The following PRKG1 variants were observed in gnomAD, a reference collection of about 807,000 sequenced individuals.
The protein encoded by PRKG1 is protein kinase cGMP-dependent 1, also known as cGMP-dependent protein kinase 1.
PRKG1 carries 35 observed loss-of-function variants against 88.1 expected under a neutral mutation model. That is an observed-to-expected ratio of 0.40 (90% CI 0.30 to 0.53). The LOEUF is 0.53. Ranked by LOEUF, PRKG1 falls within the 20% of genes least tolerant of loss-of-function variation. The pLI is 0.59. For synonymous variants in PRKG1, 303 were observed against 292.5 expected (o/e 1.04, Z -0.37); for missense variants, 540 against 839.8 (o/e 0.64, Z 4.41).
intron 1 of PRKG1, among the ~76,000 whole-genome samples, chr10:51,119,058 T>C (rs916204201): frequency 6.6e-6 from 1 of 152,146 alleles, no homozygotes; most frequent in Non-Finnish European, 1.5e-5. Context: ...GAATAATTCT[T>C]CATTTCTTGC....
intron 3 of PRKG1, among the ~76,000 whole-genome samples, chr10:51,773,954 A>G (rs2132550201): frequency 6.6e-6 from 1 of 152,224 alleles, no homozygotes. Context: ...TAGTAAGTGG[A>G]ATATGGGAGA....
chr10:51,489,973 T>A (rs1050922128), intron 3 of PRKG1, among the ~76,000 whole-genome samples: 1 of 152,120 alleles, frequency 6.6e-6, no homozygotes, highest in Non-Finnish European at 1.5e-5. Flanking sequence ...TGGCCCCACT[T>A]TTAGGGATGG....
At chr10:51,531,689 G>A (rs1042964656) in intron 3 of PRKG1, among the ~76,000 whole-genome samples, 2 of 120,220 alleles carry the variant, frequency 1.7e-5, no homozygotes, top group Non-Finnish European at 3.2e-5. Flanking sequence ...TTGTCCTCCA[G>A]GCTGGAGTGC....
intron 3 of PRKG1, among the ~76,000 whole-genome samples, chr10:51,794,935 G>T (rs894281421): frequency 2.0e-5 from 3 of 151,942 alleles, no homozygotes; most frequent in African/African-American, 7.2e-5. Flanking sequence ...AAGGAGATAG[G>T]ACTATTTCAT....
intron 5 of PRKG1, among the ~76,000 whole-genome samples, chr10:51,922,008 G>T (rs1295600405): frequency 6.6e-6 from 1 of 151,754 alleles, no homozygotes; most frequent in African/African-American, 2.4e-5. Context: ...TTAAATATTT[G>T]GTAGAATTTA....
intron 5 of PRKG1, among the ~76,000 whole-genome samples, chr10:51,953,792 ATTAT>A (rs1456991395): frequency 6.6e-6 from 1 of 152,002 alleles, no homozygotes; most frequent in Non-Finnish European, 1.5e-5. Context: ...TTGTTTGGCC[ATTAT>A]TTATTTCAAA....
chr10:52,135,987 G>A lies in PRKG1; in HGVS notation c.1001+2082G>A, dbSNP rs116352674. 1.8e-3 allele frequency among the ~76,000 whole-genome samples: 279 copies of A among 152,028 alleles called. 1 individual carries two copies. The highest frequency in any genetic ancestry group is 6.2e-3 in the African/African-American group (257 of 41,514). On this transcript the variant is annotated intron_variant, in intron 8 of 17. Coordinates refer to ENST00000373980, the MANE Select transcript of PRKG1 (RefSeq NM_006258.4). ...ATAATGAGATGTTAGAAAGCAGAGCGGTGTAGGAGACTTCAGAAAGCAAGA... is the reference window on the plus strand; with the variant it reads ...ATAATGAGATGTTAGAAAGCAGAGCAGTGTAGGAGACTTCAGAAAGCAAGA...
intron 3 of PRKG1, among the ~76,000 whole-genome samples, chr10:51,612,222 C>T (rs1286961632): frequency 6.6e-6 from 1 of 152,004 alleles, no homozygotes; most frequent in Non-Finnish European, 1.5e-5. Context: ...CTGCAGATTG[C>T]TTTGGGCAGT....
chr10:51,062,275 T>G (rs1030803864), intron 1 of PRKG1, among the ~76,000 whole-genome samples: 1 of 152,232 alleles, frequency 6.6e-6, no homozygotes, highest in South Asian at 2.1e-4. Context: ...CCAGCCACTT[T>G]AGACTTTTGA....
At chr10:51,637,757 G>T (rs935618586) in intron 3 of PRKG1, among the ~76,000 whole-genome samples, 2 of 152,144 alleles carry the variant, frequency 1.3e-5, no homozygotes, top group African/African-American at 4.8e-5. Flanking sequence ...TACACACACT[G>T]GGGCCTGTTG....
chr10:51,196,509 C>A (rs1013847885), intron 2 of PRKG1, among the ~76,000 whole-genome samples: 3 of 152,016 alleles, frequency 2.0e-5, no homozygotes, highest in Admixed American at 6.6e-5. Context: ...AGAAAGGAAC[C>A]TAATAAAAAT....
rs142652785 is a variant in PRKG1 at position 51,163,700 on chromosome 10, C to T, written c.478+10370C>T. 2.5e-3 allele frequency among the ~76,000 whole-genome samples: 384 copies of T among 152,342 alleles called. 1 individual carries two copies. The highest frequency in any genetic ancestry group is 8.1e-3 in the African/African-American group (337 of 41,576). ...TCGGGTCACTCCCACCCTAATACTG[C>T]GCTTTTCCGACGGGCTTAAAAAACG... On this transcript the variant is annotated intron_variant, in intron 2 of 17. Coordinates refer to ENST00000373980, the MANE Select transcript of PRKG1 (RefSeq NM_006258.4).
intron 7 of PRKG1, among the ~76,000 whole-genome samples, chr10:52,101,302 C>T (rs1564469012): frequency 6.6e-6 from 1 of 152,126 alleles, no homozygotes; most frequent in Non-Finnish European, 1.5e-5. Context: ...CCATACTTTA[C>T]AGCCTAAAAA....
chr10:51,174,379 T>C (rs1466833168), intron 2 of PRKG1, among the ~76,000 whole-genome samples: 1 of 152,010 alleles, frequency 6.6e-6, no homozygotes, highest in African/African-American at 2.4e-5. Context: ...CTAAATTCTT[T>C]TTAGCATGGT....
rs1444401565 is a variant in PRKG1, at chr10:51,208,695, A to C, written c.478+55365A>C. Among the ~76,000 whole-genome samples, 27 of 152,174 alleles carry C rather than the reference A, an allele frequency of 1.8e-4. 1 individual carries two copies. The highest frequency in any genetic ancestry group is 1.8e-3 in the Admixed American group (27 of 15,272). Reference sequence around the variant, plus strand: ...AGTACAGAGGATGAAAGGGAAGAAAATCAGGGAAGGTCCTGGAGCTGGGCC... The same window carrying C: ...AGTACAGAGGATGAAAGGGAAGAAACTCAGGGAAGGTCCTGGAGCTGGGCC... On this transcript the variant is annotated intron_variant, in intron 2 of 17. Transcript: ENST00000373980.
chr10:52,137,230 T>G (rs1252208465), intron 8 of PRKG1, among the ~76,000 whole-genome samples: 1 of 152,084 alleles, frequency 6.6e-6, no homozygotes, highest in African/African-American at 2.4e-5. Context: ...TAATCATGCA[T>G]GTCATTGACA....
chr10:51,081,984 G>A (rs1010925286), intron 1 of PRKG1, among the ~76,000 whole-genome samples: 1 of 152,050 alleles, frequency 6.6e-6, no homozygotes, highest in African/African-American at 2.4e-5. Context: ...TGAACTTCTG[G>A]CCTCAAATGA....
chr10:51,957,101 C>A (rs1843324468), intron 5 of PRKG1, among the ~76,000 whole-genome samples: 1 of 109,512 alleles, frequency 9.1e-6, no homozygotes, highest in Non-Finnish European at 1.8e-5. Context: ...TCTTTTCTTT[C>A]TCTCTCTCTT....
intron 9 of PRKG1, among the ~76,000 whole-genome samples, chr10:52,165,383 TC>T (rs1838406769): frequency 1.3e-5 from 2 of 152,292 alleles, no homozygotes; most frequent in Non-Finnish European, 2.9e-5. Flanking sequence ...TTGAATTTCT[TC>T]CCCTTAACTA....
Sources: gnomAD v4.1 joint callset for allele counts (sites outside exome capture counted in the v4.1 genomes callset) on GRCh38, gnomAD v4.1.1 for gene constraint, MANE v1.5 for transcripts, NCBI Gene and HGNC (gene_info 2026-07-23, HGNC 2026-07-21) for gene names.